HS6ST2: variants seen among roughly 807,000 people sequenced by gnomAD.
The protein encoded by HS6ST2 is heparan-sulfate 6-O-sulfotransferase 2.
HS6ST2 carries 17 observed loss-of-function variants against 33.0 expected under a neutral mutation model. The observed-to-expected ratio is 0.52, with a 90% CI of 0.35 to 0.77. The LOEUF (loss-of-function observed/expected upper bound fraction) is 0.77, where lower values mean the gene tolerates loss of function less well. HS6ST2 is among the 30% of genes least tolerant of loss of function. The pLI, the probability that HS6ST2 is intolerant of heterozygous loss-of-function variation, is 0.01. For missense variants in HS6ST2, 519 were observed against 551.7 expected, an observed-to-expected ratio of 0.94 and a Z score of 0.59; for synonymous variants, 248 against 237.1, an observed-to-expected ratio of 1.05 and a Z score of -0.42.
chrX:132,803,438 T>C (rs1183592228), intron 2 of HS6ST2, among the ~76,000 whole-genome samples: 3 of 111,542 alleles, frequency 2.7e-5, no homozygotes, highest in Non-Finnish European at 5.6e-5. Flanking sequence ...AGTCAGAGTC[T>C]TGCTTTGTCA....
At chrX:132,952,326 A>C (rs1318949270) in intron 2 of HS6ST2, among the ~76,000 whole-genome samples, 1 of 105,377 alleles carries the variant, frequency 9.5e-6, no homozygotes, top group East Asian at 2.9e-4. Context: ...CACAGCTCTC[A>C]AAGACAGCTG....
intron 2 of HS6ST2, among the ~76,000 whole-genome samples, chrX:132,815,315 T>G (rs1198181210): frequency 3.6e-5 from 4 of 112,227 alleles, no homozygotes; most frequent in Non-Finnish European, 7.5e-5. Flanking sequence ...CAAACACTAT[T>G]TTAAGTACTT....
At chrX:132,668,981 G>T in intron 4 of HS6ST2, 132 bp downstream of exon 4, 2 of 438,759 alleles carry the variant, frequency 4.6e-6, no homozygotes, top group Non-Finnish European at 8.1e-6. Flanking sequence ...CCCCAGTGAC[G>T]AGCCCAGTGG....
chrX:132,795,081 G>A lies in HS6ST2; in HGVS notation c.948-86587C>T, dbSNP rs1005572198. Among the ~76,000 whole-genome samples, 10 of 110,903 alleles carry A rather than the reference G, an allele frequency of 9.0e-5. No individual in the cohort carries two copies. In the East Asian group the frequency reaches 2.0e-3, roughly 22 times the overall value. ...AAACTGGGAGACATAGAAATCTGTC[G>A]TCTTCAGCTTTTCCCCTCTTTTCCC... On this transcript the variant is annotated intron_variant, in intron 2 of 4. Coordinates refer to ENST00000370833, the MANE Select transcript of HS6ST2 (RefSeq NM_001394073.1).
intron 2 of HS6ST2, among the ~76,000 whole-genome samples, chrX:132,777,221 T>A (rs2064969268): frequency 9.3e-6 from 1 of 107,577 alleles, no homozygotes. Context: ...GGTTGTCTCT[T>A]CAACAGGATT....
intron 2 of HS6ST2, among the ~76,000 whole-genome samples, chrX:132,767,749 TCC>T (rs1338024193): frequency 1.8e-5 from 2 of 111,065 alleles, no homozygotes; most frequent in Non-Finnish European, 3.8e-5. Flanking sequence ...GGCATGGTGC[TCC>T]TATGCTTTGC....
In HS6ST2 at chrX:132,630,033, CCACATGTTAA is replaced by C. The variant is rs1273973805; in HGVS notation, c.1068-950_1068-941del. On this transcript the variant is annotated intron_variant, in intron 4 of 4. Coordinates refer to ENST00000370833, the MANE Select transcript of HS6ST2 (RefSeq NM_001394073.1). ...AATAGCAGACTAGCAAACATTTAAA[CCACATGTTAA>C]CACACTCACACCATACATGGTAGGC... Among the ~76,000 whole-genome samples the C allele has an allele frequency of 6.1e-4, 68 of 112,080 alleles. 1 individual carries two copies. The highest frequency in any genetic ancestry group is 2.2e-3 in the African/African-American group (67 of 30,909).
intron 2 of HS6ST2, among the ~76,000 whole-genome samples, chrX:132,726,537 T>C (rs921980960): frequency 1.8e-5 from 2 of 112,074 alleles, no homozygotes; most frequent in African/African-American, 6.5e-5. Context: ...ATGCAATTCA[T>C]CCAATTAAAG....
chrX:132,826,526 T>C (rs1724937514), intron 2 of HS6ST2, among the ~76,000 whole-genome samples: 1 of 110,839 alleles, frequency 9.0e-6, no homozygotes, highest in African/African-American at 3.3e-5. Flanking sequence ...AAATTAAATA[T>C]ATATTATTAA....
intron 2 of HS6ST2, among the ~76,000 whole-genome samples, chrX:132,795,107 T>C (rs1183552859): frequency 9.0e-6 from 1 of 111,206 alleles, no homozygotes; most frequent in Non-Finnish European, 1.9e-5. Context: ...CTCTTTTCCC[T>C]AGCTGAGACT....
At chrX:132,873,186 A>T (rs765752897) in intron 2 of HS6ST2, among the ~76,000 whole-genome samples, 32 of 111,994 alleles carry the variant, frequency 2.9e-4, no homozygotes, top group Non-Finnish European at 5.1e-4. Flanking sequence ...GTTTTACTCT[A>T]TTACTGCTAC....
At chrX:132,839,919 C>T (rs1334431084) in intron 2 of HS6ST2, among the ~76,000 whole-genome samples, 1 of 110,452 alleles carries the variant, frequency 9.1e-6, no homozygotes, top group Non-Finnish European at 1.9e-5. Flanking sequence ...GAGTTCAAAA[C>T]CAGCCTGGCC....
chrX:132,786,785 C>T (rs1321946991), intron 2 of HS6ST2, among the ~76,000 whole-genome samples: 2 of 109,009 alleles, frequency 1.8e-5, no homozygotes, highest in African/African-American at 6.7e-5. Flanking sequence ...CCATGCCCAG[C>T]TAATTTTTGT....
chrX:132,900,921 T>C (rs998397419), intron 2 of HS6ST2, among the ~76,000 whole-genome samples: 1 of 112,016 alleles, frequency 8.9e-6, no homozygotes, highest in Non-Finnish European at 1.9e-5. Context: ...AAAAAGACTC[T>C]GCCTTCTCTC....
At chrX:132,676,355 A>C (rs936584651) in intron 3 of HS6ST2, among the ~76,000 whole-genome samples, 1 of 112,168 alleles carries the variant, frequency 8.9e-6, no homozygotes, top group Non-Finnish European at 1.9e-5. Context: ...TAACAGCTAC[A>C]TAACAATGTA....
intron 2 of HS6ST2, among the ~76,000 whole-genome samples, chrX:132,806,575 C>T (rs1429543015): frequency 9.1e-6 from 1 of 110,068 alleles, no homozygotes; most frequent in East Asian, 2.8e-4. Context: ...GAATCTCTAT[C>T]ACAACCACTC....
intron 2 of HS6ST2, among the ~76,000 whole-genome samples, chrX:132,839,230 G>A (rs1211062584): frequency 1.1e-4 from 11 of 100,103 alleles, no homozygotes; most frequent in Non-Finnish European, 2.0e-5. Flanking sequence ...ATCGATCTAA[G>A]TGCCCATCAA....
chrX:132,855,848 C>T (rs1210880568), intron 2 of HS6ST2, among the ~76,000 whole-genome samples: 1 of 109,953 alleles, frequency 9.1e-6, no homozygotes, highest in Non-Finnish European at 1.9e-5. Context: ...CATTTCCTTT[C>T]CATGCCAGGC....
At chrX:132,783,561 C>T (rs2065033342) in intron 2 of HS6ST2, among the ~76,000 whole-genome samples, 1 of 111,050 alleles carries the variant, frequency 9.0e-6, no homozygotes, top group East Asian at 2.8e-4. Context: ...CCAAAGTAGG[C>T]CCTGGGGTCC....
Sources: gnomAD v4.1 joint callset for allele counts (sites outside exome capture counted in the v4.1 genomes callset) on GRCh38, gnomAD v4.1.1 for gene constraint, MANE v1.5 for transcripts, NCBI Gene and HGNC (gene_info 2026-07-23, HGNC 2026-07-21) for gene names.